The following NPAS3 variants were observed in gnomAD, a reference collection of about 807,000 sequenced individuals.
NPAS3 encodes the protein neuronal PAS domain protein 3, also known as neuronal PAS domain-containing protein 3.
NPAS3 carries 14 observed loss-of-function variants against 73.1 expected under a neutral mutation model. The observed-to-expected ratio is 0.19, with a 90% CI of 0.13 to 0.30. The LOEUF (loss-of-function observed/expected upper bound fraction) is 0.30. Ranked by LOEUF, NPAS3 falls within the 10% of genes least tolerant of loss-of-function variation. The pLI is 1.00. For synonymous variants in NPAS3, 620 were observed against 541.5 expected, an observed-to-expected ratio of 1.14 and a Z score of -2.01; for missense variants, 1,096 against 1,250.0, an observed-to-expected ratio of 0.88 and a Z score of 1.86.
At chr14:33,430,494 G>A (rs891306115) in intron 4 of NPAS3, among the ~76,000 whole-genome samples, 11 of 151,940 alleles carry the variant, frequency 7.2e-5, no homozygotes, top group South Asian at 4.2e-4. Flanking sequence ...GTTATGGCTC[G>A]AGTTCTAATA....
In NPAS3 at chr14:33,665,479, T is replaced by C. The variant is rs80348357; in HGVS notation, c.559-10732T>C. Among the ~76,000 whole-genome samples, 1,047 of 152,270 alleles carry C rather than the reference T, an allele frequency of 6.9e-3. 11 individuals are homozygous for C. The highest frequency in any genetic ancestry group is 0.024 in the African/African-American group (993 of 41,554). The stretch of plus-strand genomic sequence containing the variant: ...AAAACAAAACAAAACAGGATGACTT[T>C]GAACAGACCTTTTCCGTAAAAGGTG... On this transcript the variant is annotated intron_variant, in intron 5 of 11. Coordinates refer to ENST00000356141, the Ensembl canonical transcript of NPAS3.
intron 5 of NPAS3, among the ~76,000 whole-genome samples, chr14:33,669,032 CAT>C (rs2059536627): frequency 6.6e-6 from 1 of 152,102 alleles, no homozygotes; most frequent in Non-Finnish European, 1.5e-5. Context: ...AATACGGAAA[CAT>C]GTAAAATTTG....
At chr14:33,014,929 C>A (rs1291753832) in intron 1 of NPAS3, among the ~76,000 whole-genome samples, 1 of 152,162 alleles carries the variant, frequency 6.6e-6, no homozygotes, top group Admixed American at 6.5e-5. Context: ...CTGTGCCCAG[C>A]AGTAAGGAGT....
At chr14:33,249,209 C>T (rs183957727) in intron 3 of NPAS3, among the ~76,000 whole-genome samples, 1 of 152,238 alleles carries the variant, frequency 6.6e-6, no homozygotes, top group African/African-American at 2.4e-5. Flanking sequence ...ATTATGTAAA[C>T]ACTACTTATT....
chr14:32,990,777 A>G (rs912032024), intron 1 of NPAS3, among the ~76,000 whole-genome samples: 7 of 151,988 alleles, frequency 4.6e-5, no homozygotes, highest in Non-Finnish European at 5.9e-5. Context: ...AAATTTAAAA[A>G]ATAATCAGGC....
chr14:32,966,329 G>A (rs950896578), intron 1 of NPAS3, among the ~76,000 whole-genome samples: 4 of 152,082 alleles, frequency 2.6e-5, no homozygotes, highest in Admixed American at 2.0e-4. Flanking sequence ...ACCAAACACT[G>A]TGGTAACTGC....
chr14:33,335,068 G>GTGTGTGTGTGTA (rs1366925163), intron 3 of NPAS3, among the ~76,000 whole-genome samples: 147 of 151,046 alleles, frequency 9.7e-4, no homozygotes, highest in African/African-American at 3.4e-3. Context: ...GTGTGTGTGT[G>GTGTGTGTGTGTA]TGTATCACAT....
At chr14:33,078,541 A>AC (rs1566536742) in intron 2 of NPAS3, among the ~76,000 whole-genome samples, 1 of 85,762 alleles carries the variant, frequency 1.2e-5, no homozygotes, top group Non-Finnish European at 2.8e-5. Context: ...CCAAAAAAAA[A>AC]AAAACAAACA....
At chr14:33,159,159 T>A (rs777192657) in intron 2 of NPAS3, among the ~76,000 whole-genome samples, 3 of 151,996 alleles carry the variant, frequency 2.0e-5, no homozygotes, top group Non-Finnish European at 2.9e-5. Flanking sequence ...AGAGACTCCA[T>A]CTCAAAAAAA....
chr14:33,428,138 T>A (rs2139108801), intron 4 of NPAS3, among the ~76,000 whole-genome samples: 1 of 152,206 alleles, frequency 6.6e-6, no homozygotes, highest in South Asian at 2.1e-4. Context: ...AGATGGTCTT[T>A]GCTGTAAGAC....
At chr14:33,682,916 C>A (rs1332911493) in intron 6 of NPAS3, among the ~76,000 whole-genome samples, 1 of 152,208 alleles carries the variant, frequency 6.6e-6, no homozygotes, top group Non-Finnish European at 1.5e-5. Flanking sequence ...GGCACAGCTG[C>A]AACCCCAGGA....
chr14:33,712,256 T>C (rs2140499961), intron 6 of NPAS3, among the ~76,000 whole-genome samples: 1 of 152,308 alleles, frequency 6.6e-6, no homozygotes, highest in South Asian at 2.1e-4. Flanking sequence ...TAGCCTCAGC[T>C]GGCACAGGTG....
chr14:33,498,693 A>G (rs995561317), intron 4 of NPAS3, among the ~76,000 whole-genome samples: 4 of 127,096 alleles, frequency 3.1e-5, no homozygotes, highest in East Asian at 2.4e-4. Flanking sequence ...CTGTTGGGGG[A>G]TGGGGGGGCT....
chr14:33,771,675 G>A (rs923001230), intron 7 of NPAS3, among the ~76,000 whole-genome samples: 14 of 152,104 alleles, frequency 9.2e-5, no homozygotes, highest in Admixed American at 3.9e-4. Flanking sequence ...AGCTGGGCAT[G>A]GTGGCGGGGC....
At chr14:33,203,966 A>G (rs2046723174) in intron 2 of NPAS3, among the ~76,000 whole-genome samples, 1 of 152,130 alleles carries the variant, frequency 6.6e-6, no homozygotes, top group Non-Finnish European at 1.5e-5. Flanking sequence ...ATTTCTCCAC[A>G]TCCTCTCCAG....
intron 1 of NPAS3, among the ~76,000 whole-genome samples, chr14:33,052,855 T>C (rs2040757401): frequency 6.6e-6 from 1 of 152,188 alleles, no homozygotes; most frequent in Admixed American, 6.5e-5. Flanking sequence ...GAACTTTTTT[T>C]TTTAAGGAGG....
At chr14:33,291,782 A>T (rs2042108309) in intron 3 of NPAS3, among the ~76,000 whole-genome samples, 1 of 152,226 alleles carries the variant, frequency 6.6e-6, no homozygotes, top group African/African-American at 2.4e-5. Context: ...AATGGGCTAA[A>T]AACAATATTG....
intron 2 of NPAS3, among the ~76,000 whole-genome samples, chr14:33,107,312 G>A (rs945344): frequency 0.87 from 133,036 of 152,154 alleles, 58,247 homozygotes; most frequent in Middle Eastern, 0.95. Context: ...GGTATATTGC[G>A]TGATGCTGAG....
At chr14:33,543,971 A>ATATATATATC (rs2054644565) in intron 4 of NPAS3, among the ~76,000 whole-genome samples, 1 of 32,640 alleles carries the variant, frequency 3.1e-5, no homozygotes, top group African/African-American at 2.8e-4. Context: ...ATATATATAT[A>ATATATATATC]TATATATATA....
Sources: allele counts gnomAD v4.1 joint callset (sites outside exome capture counted in the v4.1 genomes callset), GRCh38; gene constraint gnomAD v4.1.1; transcripts MANE v1.5; gene names NCBI Gene and HGNC (gene_info 2026-07-23, HGNC 2026-07-21).